The following MAP2K5 variants were observed in gnomAD, a reference collection of about 807,000 sequenced individuals.
The protein encoded by MAP2K5 is mitogen-activated protein kinase kinase 5, also known as dual specificity mitogen-activated protein kinase kinase 5.
MAP2K5 carries 49 observed loss-of-function variants against 83.1 expected under a neutral mutation model. The observed-to-expected ratio is 0.59, with a 90% CI of 0.47 to 0.75. The LOEUF is 0.75. MAP2K5 is among the 30% of genes least tolerant of loss of function. The pLI is 0.00. For synonymous variants in MAP2K5, 202 were observed against 191.8 expected, an observed-to-expected ratio of 1.05 and a Z score of -0.44; for missense variants, 457 against 557.5, an observed-to-expected ratio of 0.82 and a Z score of 1.82.
intron 19 of MAP2K5, among the ~76,000 whole-genome samples, chr15:67,761,503 C>T (rs2089948651): frequency 6.6e-6 from 1 of 152,222 alleles, no homozygotes; most frequent in African/African-American, 2.4e-5. Context: ...CCCCCCTTAT[C>T]TGTAGCTGGC....
At chr15:67,575,713 A>G (rs1331852126) in intron 3 of MAP2K5, among the ~76,000 whole-genome samples, 1 of 152,150 alleles carries the variant, frequency 6.6e-6, no homozygotes. Flanking sequence ...CTGATAAACC[A>G]TTTGCTTCAT....
chr15:67,692,189 G>A (rs1198720262), intron 13 of MAP2K5, among the ~76,000 whole-genome samples: 2 of 152,174 alleles, frequency 1.3e-5, no homozygotes, highest in East Asian at 3.8e-4. Flanking sequence ...CTAGGGATAG[G>A]ATGATGGGTG....
rs186487422 is a variant in MAP2K5 at position 67,715,845 on chromosome 15, G to C, written c.1045-12071G>C. ...TGACTTTCTATTCAGTATAAAGAAG[G>C]ATTTTCTGATGGATAGAACTCTACA... On this transcript the variant is annotated intron_variant, in intron 16 of 21. Coordinates refer to ENST00000178640, the MANE Select transcript of MAP2K5 (RefSeq NM_145160.3). Among the ~76,000 whole-genome samples the C allele has an allele frequency of 1.2e-3, 178 of 152,240 alleles. 1 individual carries two copies. The highest frequency in any genetic ancestry group is 4.0e-3 in the African/African-American group (166 of 41,558).
At chr15:67,731,532 A>G (rs781167828) in intron 17 of MAP2K5, among the ~76,000 whole-genome samples, 1 of 152,198 alleles carries the variant, frequency 6.6e-6, no homozygotes, top group Non-Finnish European at 1.5e-5. Flanking sequence ...CATGAGGAGC[A>G]CAGTCTTATT....
intron 8 of MAP2K5, among the ~76,000 whole-genome samples, chr15:67,630,379 C>G (rs1373679025): frequency 6.6e-6 from 1 of 151,928 alleles, no homozygotes; most frequent in Non-Finnish European, 1.5e-5. Flanking sequence ...TTCACTATAT[C>G]TGTTACTTTG....
In MAP2K5 at chr15:67,777,183, G is replaced by A. The variant is rs2090254536; in HGVS notation, c.1242+4431G>A. ...GAGGGTGGGGTGGGGTGCTTTCTAT[G>A]GGGTTCAGCAGGGCTTTGCACCAGC... On this transcript the variant is annotated intron_variant, in intron 21 of 21. Transcript: ENST00000178640. The surrounding 1 kb of genome is among the most constrained non-coding windows in gnomAD (Gnocchi z 6.0). 6.6e-6 allele frequency among the ~76,000 whole-genome samples: 1 copy of A among 152,088 alleles called. No individual in the cohort carries two copies. The highest frequency in any genetic ancestry group is 2.4e-5 in the African/African-American group (1 of 41,426).
At chr15:67,716,408 T>C (rs2088827580) in intron 16 of MAP2K5, among the ~76,000 whole-genome samples, 2 of 152,174 alleles carry the variant, frequency 1.3e-5, no homozygotes, top group African/African-American at 4.8e-5. Flanking sequence ...TGGATTACTT[T>C]TGAGTTGAGA....
At position 67,801,404 on chromosome 15, in the gene MAP2K5, A is replaced by G. The variant is rs1037680064; in HGVS notation, c.1243-5242A>G. Among the ~76,000 whole-genome samples the G allele has an allele frequency of 4.6e-5, 7 of 152,156 alleles. No individual in the cohort carries two copies. The highest frequency in any genetic ancestry group is 1.7e-4 in the African/African-American group (7 of 41,418). Reference sequence around the variant, plus strand: ...TCATGAGTCCTTGGCCTCCTATCCCATGCAGCATCCTTGGTGGGAGAGGAT... The same window carrying G: ...TCATGAGTCCTTGGCCTCCTATCCCGTGCAGCATCCTTGGTGGGAGAGGAT... On this transcript the variant is annotated intron_variant, in intron 21 of 21. Coordinates refer to ENST00000178640, the MANE Select transcript of MAP2K5 (RefSeq NM_145160.3). This position sits in a 1 kb window ranked among gnomAD's most constrained non-coding sequence, Gnocchi z 4.8.
chr15:67,592,560 T>C (rs1306852834), intron 6 of MAP2K5, among the ~76,000 whole-genome samples: 1 of 152,218 alleles, frequency 6.6e-6, no homozygotes, highest in East Asian at 1.9e-4. Context: ...ATAATCTTTA[T>C]TTGCTGTGAA....
rs2084732750 is a variant in MAP2K5 at position 67,561,347 on chromosome 15, C to T, written c.185-1936C>T. ...TCTAGAACTTATATATAGACAGACT[C>T]CTTTCTTCTCTCTCTACAGCTGGAA... On this transcript the variant is annotated intron_variant, in intron 2 of 21. Transcript: ENST00000178640. This position sits in a 1 kb window ranked among gnomAD's most constrained non-coding sequence, Gnocchi z 4.2. Among the ~76,000 whole-genome samples the T allele has an allele frequency of 6.6e-6, 1 of 152,174 alleles. No homozygotes were observed. The highest frequency in any genetic ancestry group is 1.5e-5 in the Non-Finnish European group (1 of 68,018).
chr15:67,803,946 C>T (rs1010569831), intron 21 of MAP2K5, among the ~76,000 whole-genome samples: 1 of 152,228 alleles, frequency 6.6e-6, no homozygotes, highest in African/African-American at 2.4e-5. Flanking sequence ...TCAGCTGTGA[C>T]CCTGCAGCCT....
intron 3 of MAP2K5, among the ~76,000 whole-genome samples, chr15:67,571,396 T>A (rs1023332735): frequency 5.3e-5 from 8 of 152,156 alleles, no homozygotes; most frequent in Admixed American, 4.6e-4. Context: ...ACTTTATTAT[T>A]TATAGTACTG....
intron 17 of MAP2K5, among the ~76,000 whole-genome samples, chr15:67,737,912 C>G (rs1026198782): frequency 1.7e-5 from 2 of 117,124 alleles, no homozygotes; most frequent in Non-Finnish European, 1.6e-5. Context: ...AGTGGAGTGG[C>G]ATGATCTTGG....
intron 4 of MAP2K5, among the ~76,000 whole-genome samples, chr15:67,584,673 T>G (rs12912155): frequency 1.1e-5 from 1 of 91,538 alleles, no homozygotes; most frequent in Non-Finnish European, 2.0e-5. Flanking sequence ...TATCTTCTCC[T>G]TTTTTTTTTT....
At position 67,649,761 on chromosome 15, in the gene MAP2K5, A is replaced by C. The variant is rs1045115798; in HGVS notation, c.736+3292A>C. Among the ~76,000 whole-genome samples, 10 of 152,300 alleles carry C rather than the reference A, an allele frequency of 6.6e-5. No individual in the cohort carries two copies. In the South Asian group the frequency reaches 2.1e-3, roughly 32 times the overall value. On this transcript the variant is annotated intron_variant, in intron 11 of 21. Coordinates refer to ENST00000178640, the MANE Select transcript of MAP2K5 (RefSeq NM_145160.3). ...AAAACTCTGGATTATTATAGTTTTTAAGTTTCAAATCGAGAAGTGTAAGTG... is the reference window on the plus strand; with the variant it reads ...AAAACTCTGGATTATTATAGTTTTTCAGTTTCAAATCGAGAAGTGTAAGTG...
chr15:67,741,730 C>T (rs991875728), intron 17 of MAP2K5, among the ~76,000 whole-genome samples: 1 of 152,008 alleles, frequency 6.6e-6, no homozygotes, highest in Non-Finnish European at 1.5e-5. Context: ...ACCAACTGAT[C>T]ATAAGGAAGA....
At chr15:67,788,732 G>A (rs905644575) in intron 21 of MAP2K5, among the ~76,000 whole-genome samples, 1 of 152,110 alleles carries the variant, frequency 6.6e-6, no homozygotes, top group South Asian at 2.1e-4. Context: ...TCTAGCTCTT[G>A]GGGGGCTGAG....
At chr15:67,646,596 A>G (rs1004536112) in intron 11 of MAP2K5, 127 bp downstream of exon 11, 3 of 508,256 alleles carry the variant, frequency 5.9e-6, no homozygotes, top group Non-Finnish European at 1.0e-5. Flanking sequence ...TACCTCATTT[A>G]TACTCTAAGA....
At position 67,698,345 on chromosome 15, in the gene MAP2K5, G is replaced by A. The variant is rs1326435110; in HGVS notation, c.972+4777G>A. Among the ~76,000 whole-genome samples the A allele has an allele frequency of 6.6e-6, 1 of 151,870 alleles. No individual in the cohort carries two copies. The highest frequency in any genetic ancestry group is 1.5e-5 in the Non-Finnish European group (1 of 67,958). ...TGGGATTACAGGCGTGCACCACCAC[G>A]CCCGGCTAATTTTTGTATTTTTAGT... is the stretch of plus-strand genomic sequence containing the variant. On this transcript the variant is annotated intron_variant, in intron 15 of 21. Transcript: ENST00000178640. This position sits in a 1 kb window ranked among gnomAD's most constrained non-coding sequence, Gnocchi z 4.5.
Sources: gnomAD v4.1 joint callset for allele counts (sites outside exome capture counted in the v4.1 genomes callset) on GRCh38, gnomAD v4.1.1 for gene constraint, Gnocchi (gnomAD v3.1) non-coding constraint, MANE v1.5 for transcripts, NCBI Gene and HGNC (gene_info 2026-07-23, HGNC 2026-07-21) for gene names.